Variants in COL4A5 observed in about 807,000 individuals in gnomAD.
COL4A5 encodes collagen type IV alpha 5 chain.
In COL4A5, 26 loss-of-function variants were observed where a neutral mutation model predicts 130.2. The ratio of observed to expected loss-of-function variants is 0.20; its 90% CI spans 0.15 to 0.28. COL4A5 has a LOEUF of 0.28. Among genes scored for constraint, COL4A5 ranks in the 10% least tolerant of loss-of-function variants. The probability of loss-of-function intolerance (pLI) is 1.00; values close to 1 mark genes in which losing one functional copy is unlikely to be tolerated. For synonymous variants in COL4A5, 496 were observed against 439.6 expected (o/e 1.13, Z -1.60); for missense variants, 1,131 against 1,344.3 (o/e 0.84, Z 2.48).
At chrX:108,667,308 C>A in intron 40 of COL4A5, 125 bp downstream of exon 40, 2 of 607,399 alleles carry the variant, frequency 3.3e-6, no homozygotes, top group Non-Finnish European at 5.3e-6. Flanking sequence ...AAAACTCAAA[C>A]CTAGTGTTAA....
chrX:108,629,765 T>G lies in COL4A5; in HGVS notation c.3246+3416T>G, dbSNP rs184049354. On this transcript the variant is annotated intron_variant, in intron 36 of 52. Transcript: ENST00000328300. The stretch of plus-strand genomic sequence containing the variant: ...TGCCGTATTGGTTTGTTGCACCCAT[T>G]AACTCATCATTTACATTAGGTATTT... Among the ~76,000 whole-genome samples the G allele has an allele frequency of 8.3e-4, 92 of 111,310 alleles. 1 individual carries two copies. Among genetic ancestry groups the G allele is most frequent in the African/African-American group, 2.9e-3 (90 of 30,616 alleles).
chrX:108,634,873 C>T (rs146409825), intron 36 of COL4A5, among the ~76,000 whole-genome samples: 1,593 of 110,597 alleles, frequency 0.014, 25 homozygotes, highest in African/African-American at 0.05. Flanking sequence ...CAGTTCCACA[C>T]TACCACGTGA....
intron 51 of COL4A5, 141 bp downstream of exon 51, chrX:108,695,062 C>A: frequency 1.5e-6 from 1 of 656,539 alleles, no homozygotes; most frequent in Non-Finnish European, 2.4e-6. Flanking sequence ...CACTGTGTTC[C>A]CCCTCACACA....
At chrX:108,689,721 G>T in intron 49 of COL4A5, 3 of 753,875 alleles carry the variant, frequency 4.0e-6, no homozygotes, top group Non-Finnish European at 4.7e-6. Flanking sequence ...AATGCAGTCT[G>T]TGTTGAATTA....
At chrX:108,553,027 G>C (rs2065775052) in intron 2 of COL4A5, among the ~76,000 whole-genome samples, 1 of 111,596 alleles carries the variant, frequency 9.0e-6, no homozygotes, top group Non-Finnish European at 1.9e-5. Flanking sequence ...AAATAGTCCT[G>C]GAAGGGTTGC....
chrX:108,466,535 T>C (rs1204280251), intron 1 of COL4A5, among the ~76,000 whole-genome samples: 1 of 112,357 alleles, frequency 8.9e-6, no homozygotes, highest in East Asian at 2.8e-4. Context: ...CTAAGCATTT[T>C]TCAAGTGCTT....
chrX:108,601,164 T>G (rs755521362), intron 25 of COL4A5, among the ~76,000 whole-genome samples: 1 of 111,821 alleles, frequency 8.9e-6, no homozygotes, highest in East Asian at 2.8e-4. Flanking sequence ...TTATACATCT[T>G]GAATCATGGA....
intron 44 of COL4A5, 152 bp downstream of exon 44, chrX:108,677,785 T>A (rs2068336257): frequency 1.5e-6 from 1 of 646,406 alleles, no homozygotes; most frequent in African/African-American, 2.2e-5. Context: ...AGAAGGCAAG[T>A]TTCCTATAGT....
chrX:108,451,551 A>G (rs1163038660), intron 1 of COL4A5, among the ~76,000 whole-genome samples: 3 of 110,800 alleles, frequency 2.7e-5, no homozygotes, highest in African/African-American at 6.6e-5. Flanking sequence ...CTGGTGTGAG[A>G]TGGTATCTCA....
In COL4A5 at chrX:108,688,998, T is replaced by C. The variant is rs747335572; in HGVS notation, c.4528+1304T>C. Among the ~76,000 whole-genome samples the C allele has an allele frequency of 1.1e-4, 12 of 111,928 alleles. No individual in the cohort carries two copies. In the East Asian group the frequency reaches 2.8e-3, roughly 26 times the overall value. The stretch of plus-strand genomic sequence containing the variant: ...TCACTTACATGTAAGTCAGTGGTCA[T>C]AGGCCATTTTATGAAACCAAATAAT... On this transcript the variant is annotated intron_variant, in intron 49 of 52. Transcript: ENST00000328300.
At chrX:108,483,212 T>C in intron 1 of COL4A5, among the ~76,000 whole-genome samples, 1 of 100,077 alleles carries the variant, frequency 1.0e-5, no homozygotes, top group South Asian at 4.6e-4. Context: ...TATGTGTGTG[T>C]GTGTGTGTGT....
intron 49 of COL4A5, among the ~76,000 whole-genome samples, chrX:108,688,466 C>T (rs977401713): frequency 1.8e-5 from 2 of 109,219 alleles, no homozygotes; most frequent in African/African-American, 3.3e-5. Context: ...TACGGAGCCT[C>T]GCTCTGTCGC....
intron 30 of COL4A5, among the ~76,000 whole-genome samples, chrX:108,618,284 T>C (rs1021232227): frequency 1.8e-5 from 2 of 111,491 alleles, no homozygotes; most frequent in African/African-American, 6.5e-5. Flanking sequence ...TAATGTCTGT[T>C]ATTACTACTA....
At chrX:108,669,940 C>G (rs777111733) in intron 41 of COL4A5, 53 of 288,920 alleles carry the variant, frequency 1.8e-4, no homozygotes, top group Non-Finnish European at 2.8e-4. Context: ...ATTGATTGTT[C>G]TTAGTCTGAG....
intron 4 of COL4A5, among the ~76,000 whole-genome samples, chrX:108,564,674 A>G (rs904270880): frequency 2.7e-5 from 3 of 112,051 alleles, no homozygotes; most frequent in Non-Finnish European, 5.6e-5. Flanking sequence ...GCTAAAGAGA[A>G]CAATCTCCAA....
At chrX:108,575,478 G>A (rs1006587053) in intron 9 of COL4A5, among the ~76,000 whole-genome samples, 5 of 112,415 alleles carry the variant, frequency 4.4e-5, no homozygotes, top group African/African-American at 1.6e-4. Context: ...TAATATTGCT[G>A]AATGATAAAA....
chrX:108,662,609 C>T (rs1239968055), intron 37 of COL4A5, among the ~76,000 whole-genome samples: 1 of 111,662 alleles, frequency 9.0e-6, no homozygotes, highest in Non-Finnish European at 1.9e-5. Flanking sequence ...AACTCCCATT[C>T]ACAATTGCTA....
chrX:108,601,862 C>G (rs2066636014), intron 26 of COL4A5, 23 bp from the exon 27 acceptor site: 1 of 937,500 alleles, frequency 1.1e-6, no homozygotes, highest in South Asian at 2.1e-5. Context: ...GTTTTCCTTT[C>G]AATAACTGCT....
At chrX:108,505,877 G>T (rs990826876) in intron 1 of COL4A5, among the ~76,000 whole-genome samples, 6 of 112,605 alleles carry the variant, frequency 5.3e-5, no homozygotes, top group Non-Finnish European at 9.4e-5. Flanking sequence ...TTATATTGAA[G>T]AGACTATAAA....
Sources: allele counts gnomAD v4.1 joint callset (sites outside exome capture counted in the v4.1 genomes callset), GRCh38; gene constraint gnomAD v4.1.1; transcripts MANE v1.5; gene names NCBI Gene and HGNC (gene_info 2026-07-23, HGNC 2026-07-21).